The following CDH13 variants were observed in gnomAD, a reference collection of about 807,000 sequenced individuals.
The protein encoded by CDH13 is cadherin 13.
Under a neutral mutation model 63.8 loss-of-function variants are expected in CDH13, and 24 were observed. That is an observed-to-expected ratio of 0.38 (90% confidence interval 0.27 to 0.53). The LOEUF is 0.53. CDH13 is among the 20% of genes least tolerant of loss of function. The probability of loss-of-function intolerance (pLI) is 0.85; values close to 1 mark genes in which losing one functional copy is unlikely to be tolerated. For missense variants in CDH13, 1,049 were observed against 903.1 expected (o/e 1.16, Z -2.07); for synonymous variants, 503 against 355.3 (o/e 1.42, Z -4.67).
chr16:83,434,180 G>T (rs565494132), intron 6 of CDH13, among the ~76,000 whole-genome samples: 1 of 152,116 alleles, frequency 6.6e-6, no homozygotes, highest in East Asian at 1.9e-4. Context: ...AGGTTATTGA[G>T]AATTGTCCAG....
intron 1 of CDH13, among the ~76,000 whole-genome samples, chr16:82,785,146 G>A (rs1029586963): frequency 1.3e-5 from 2 of 152,118 alleles, no homozygotes; most frequent in Admixed American, 1.3e-4. Flanking sequence ...GGGGGCTTGC[G>A]TTCGGGGCTG....
At chr16:82,762,338 A>G (rs1451848816) in intron 1 of CDH13, among the ~76,000 whole-genome samples, 1 of 152,204 alleles carries the variant, frequency 6.6e-6, no homozygotes, top group Non-Finnish European at 1.5e-5. Context: ...TAAAAAGAAA[A>G]TTATTCAAGC....
intron 10 of CDH13, among the ~76,000 whole-genome samples, chr16:83,699,389 A>G (rs1035535): frequency 0.032 from 4,939 of 152,298 alleles, 262 homozygotes; most frequent in East Asian, 0.25. Context: ...CTAAATAAAT[A>G]TGTGATAAGT....
intron 2 of CDH13, among the ~76,000 whole-genome samples, chr16:82,963,415 C>T (rs1391802027): frequency 6.6e-6 from 1 of 152,004 alleles, no homozygotes; most frequent in Non-Finnish European, 1.5e-5. Flanking sequence ...AAGAAAGTAC[C>T]AGCAAGGAAC....
At chr16:83,717,260 C>CA (rs921360600) in intron 10 of CDH13, among the ~76,000 whole-genome samples, 17 of 145,742 alleles carry the variant, frequency 1.2e-4, no homozygotes, top group African/African-American at 1.0e-4. Flanking sequence ...ATACTATCTC[C>CA]AAAAAAAAAA....
In CDH13 at chr16:82,644,509, C is replaced by A. The variant is rs570572026; in HGVS notation, c.45+17372C>A. 6.6e-6 allele frequency among the ~76,000 whole-genome samples: 1 copy of A among 152,130 alleles called. No homozygotes were observed. On this transcript the variant is annotated intron_variant, in intron 1 of 13. Transcript: ENST00000567109. The surrounding 1 kb of genome is among the most constrained non-coding windows in gnomAD (Gnocchi z 5.7). ...AAGCCATTAGCCATGCACAGTGAAA[C>A]AAGGAAAGCAGCCTAGAGCTGGTCC...
At chr16:82,849,262 C>T (rs188658238) in intron 1 of CDH13, among the ~76,000 whole-genome samples, 126 of 152,236 alleles carry the variant, frequency 8.3e-4, no homozygotes, top group Non-Finnish European at 1.4e-3. Flanking sequence ...CCAGCACTTT[C>T]GGAGACCAAA....
intron 9 of CDH13, among the ~76,000 whole-genome samples, chr16:83,672,359 C>A (rs1280527077): frequency 2.1e-5 from 3 of 141,990 alleles, no homozygotes; most frequent in African/African-American, 7.8e-5. Context: ...CCATCTTCTT[C>A]TCTCTCTATC....
At chr16:83,619,673 G>A (rs559203804) in intron 8 of CDH13, among the ~76,000 whole-genome samples, 37 of 152,300 alleles carry the variant, frequency 2.4e-4, no homozygotes, top group African/African-American at 8.7e-4. Context: ...GCTTCTCCCC[G>A]TGCCCATGCC....
At chr16:83,465,792 G>A (rs117749745) in intron 6 of CDH13, among the ~76,000 whole-genome samples, 1 of 152,312 alleles carries the variant, frequency 6.6e-6, no homozygotes, top group Non-Finnish European at 1.5e-5. Flanking sequence ...CACTCTGGCA[G>A]TCAGCACAAT....
intron 11 of CDH13, among the ~76,000 whole-genome samples, chr16:83,772,320 G>A (rs1165829558): frequency 6.6e-6 from 1 of 152,138 alleles, no homozygotes; most frequent in East Asian, 1.9e-4. Flanking sequence ...CCAGGGCAGA[G>A]GCAGTAGGCT....
At chr16:82,853,500 A>G (rs1338860969) in intron 1 of CDH13, among the ~76,000 whole-genome samples, 1 of 152,130 alleles carries the variant, frequency 6.6e-6, no homozygotes, top group Non-Finnish European at 1.5e-5. Context: ...TAATCCTCAT[A>G]ACGGGTGAGA....
At chr16:82,868,228 G>A (rs375991098) in intron 2 of CDH13, among the ~76,000 whole-genome samples, 8 of 152,260 alleles carry the variant, frequency 5.3e-5, no homozygotes, top group African/African-American at 9.6e-5. Context: ...TGAAGTTGAC[G>A]ATACATCGGG....
At position 83,691,071 on chromosome 16, in the gene CDH13, C is replaced by CGTGTGTGTGT. The variant is rs58023339; in HGVS notation, c.1538+12649_1538+12658dup. Among the ~76,000 whole-genome samples, 366 of 140,994 alleles carry CGTGTGTGTGT rather than the reference C, an allele frequency of 2.6e-3. 8 individuals carry two copies. Among genetic ancestry groups the CGTGTGTGTGT allele is most frequent in the Admixed American group, 0.023 (317 of 13,850 alleles). The allele number at this position is 140,994 out of a possible 152,430, so 92.5% of individuals were successfully genotyped here. A position where few individuals can be genotyped will look rare whatever the true frequency, so the allele number is the denominator to read the frequency against. ...ACAGGGATTTGCTAACCAACTGTGCCGTGTGTGTGTGTGTGTGTGTGTGTG... is the reference window on the plus strand; with the variant it reads ...ACAGGGATTTGCTAACCAACTGTGCCGTGTGTGTGTGTGTGTGTGTGTGTGTGTGTGTGTG... On this transcript the variant is annotated intron_variant, in intron 10 of 13. Transcript: ENST00000567109.
At chr16:82,822,230 C>G (rs758017012) in intron 1 of CDH13, among the ~76,000 whole-genome samples, 3 of 152,080 alleles carry the variant, frequency 2.0e-5, no homozygotes, top group Non-Finnish European at 4.4e-5. Flanking sequence ...TTCCAAATGT[C>G]TATCAAAAGA....
At chr16:83,323,163 TTC>T (rs1457646141) in intron 5 of CDH13, among the ~76,000 whole-genome samples, 3 of 2,716 alleles carry the variant, frequency 1.1e-3, no homozygotes, top group Non-Finnish European at 4.5e-3. Flanking sequence ...CTTTCTTTCT[TTC>T]TCTTTCTTTT....
At chr16:83,305,888 A>C (rs910477269) in intron 5 of CDH13, among the ~76,000 whole-genome samples, 9 of 152,206 alleles carry the variant, frequency 5.9e-5, no homozygotes, top group African/African-American at 2.2e-4. Context: ...GTCCTAATCT[A>C]CAACATAGGA....
intron 5 of CDH13, among the ~76,000 whole-genome samples, chr16:83,226,976 T>C (rs2039858864): frequency 6.6e-6 from 1 of 152,132 alleles, no homozygotes; most frequent in African/African-American, 2.4e-5. Context: ...AGTGCATTAG[T>C]GGTGTGGACT....
intron 3 of CDH13, among the ~76,000 whole-genome samples, chr16:83,050,027 A>T (rs1017640956): frequency 6.6e-6 from 1 of 152,212 alleles, no homozygotes; most frequent in East Asian, 1.9e-4. Context: ...CAAGATTTAC[A>T]AATTACATAA....
Sources: allele counts gnomAD v4.1 joint callset (sites outside exome capture counted in the v4.1 genomes callset), GRCh38; gene constraint gnomAD v4.1.1; non-coding constraint Gnocchi (gnomAD v3.1); transcripts MANE v1.5; gene names NCBI Gene and HGNC (gene_info 2026-07-23, HGNC 2026-07-21).